Variants in FAM237A observed in about 807,000 individuals in gnomAD.
FAM237A encodes the protein family with sequence similarity 237 member A, also known as protein FAM237A.
FAM237A carries 14 observed loss-of-function variants against 12.5 expected under a neutral mutation model. That is an observed-to-expected ratio of 1.12 (90% CI 0.74 to 1.75). The LOEUF (loss-of-function observed/expected upper bound fraction) is 1.75, where lower values mean the gene tolerates loss of function less well. Ranked by LOEUF, FAM237A falls within the 40% of genes most tolerant of loss-of-function variation. The pLI is 0.00. For missense variants in FAM237A, 240 were observed against 211.7 expected (o/e 1.13, Z -0.83); for synonymous variants, 85 against 77.5 (o/e 1.10, Z -0.51).
intron 2 of FAM237A, among the ~76,000 whole-genome samples, chr2:206,645,095 T>C (rs538116049): frequency 6.6e-6 from 1 of 152,340 alleles, no homozygotes; most frequent in South Asian, 2.1e-4. Flanking sequence ...CTTGTTAAAC[T>C]GAAAATAAAT....
chr2:206,648,672 C>T lies in FAM237A; in HGVS notation c.424C>T (p.Gln142Ter). 1 of 1,590,198 alleles carries T rather than the reference C, an allele frequency of 6.3e-7. No homozygotes were observed. Among genetic ancestry groups the T allele is most frequent in the Non-Finnish European group, 8.6e-7 (1 of 1,168,904 alleles). ...TTTTCTACTTTCAGGTACATATTCT[C>T]AGCTCCTAAGGACCTCCTTCCTAAA... is the stretch of plus-strand genomic sequence containing the variant. ...HTRSKQGTYS[Q>*]LLRTSFLKKK... Residue 142 changes from glutamine (Q) to a stop codon, truncating the protein, a stop_gained, in exon 3 of 3, where the codon CAG (glutamine) becomes TAG (stop). Transcript: ENST00000441223. LOFTEE classifies it high-confidence loss of function.
intron 2 of FAM237A, 112 bp downstream of exon 2, chr2:206,644,760 TCTCAAGAGGTGAAC>T: frequency 9.4e-7 from 1 of 1,068,368 alleles, no homozygotes; most frequent in Non-Finnish European, 1.3e-6. Flanking sequence ...TATATATTCC[TCTCAAGAGGTGAAC>T]CCCAAGAGCA....
chr2:206,643,840 G>C (rs77945084), intron 1 of FAM237A, among the ~76,000 whole-genome samples: 7,312 of 152,282 alleles, frequency 0.048, 260 homozygotes, highest in Non-Finnish European at 0.076. Context: ...TAGATTAGGA[G>C]AGCCAGGTTT....
chr2:206,648,842 A>G lies in FAM237A; in HGVS notation c.*48A>G. On this transcript the variant is annotated 3_prime_UTR_variant, in exon 3 of 3. Coordinates refer to ENST00000441223, the MANE Select transcript of FAM237A (RefSeq NM_001102659.3). ...GCCTTGGAATTAAATATACATATAT[A>G]TAACATTTTTCTTAACTATTGATTA... 1 of 1,340,798 alleles carries G rather than the reference A, an allele frequency of 7.5e-7. No homozygotes were observed. Among genetic ancestry groups the G allele is most frequent in the Non-Finnish European group, 9.8e-7 (1 of 1,019,042 alleles). 83.1% of individuals were successfully genotyped at this position (1,340,798 alleles called of 1,614,324 possible).
At chr2:206,646,080 A>C (rs1196869627) in intron 2 of FAM237A, among the ~76,000 whole-genome samples, 1 of 152,168 alleles carries the variant, frequency 6.6e-6, no homozygotes, top group African/African-American at 2.4e-5. Context: ...AGGCAGGCGG[A>C]ACACGAGGTG....
chr2:206,649,298 A>G lies in FAM237A; in HGVS notation c.*504A>G, dbSNP rs1699357549. Among the ~76,000 whole-genome samples the G allele has an allele frequency of 6.6e-6, 1 of 152,224 alleles. No homozygotes were observed. Among genetic ancestry groups the G allele is most frequent in the Admixed American group, 6.5e-5 (1 of 15,280 alleles). Reference sequence around the variant, plus strand: ...TACTGAATGAAGCAAAAAGTAAAACAAAACAAAAAACTGGCAAATAAAGCA... The same window carrying G: ...TACTGAATGAAGCAAAAAGTAAAACGAAACAAAAAACTGGCAAATAAAGCA... On this transcript the variant is annotated 3_prime_UTR_variant, in exon 3 of 3. Coordinates refer to ENST00000441223, the MANE Select transcript of FAM237A (RefSeq NM_001102659.3).
At chr2:206,646,908 C>A (rs1442043698) in intron 2 of FAM237A, among the ~76,000 whole-genome samples, 1 of 152,084 alleles carries the variant, frequency 6.6e-6, no homozygotes, top group Non-Finnish European at 1.5e-5. Context: ...GTGCTTGTCT[C>A]CATAGTTCTC....
intron 1 of FAM237A, 114 bp from the exon 2 acceptor site, chr2:206,644,113 T>A (rs1387709486): frequency 4.0e-6 from 4 of 1,002,928 alleles, no homozygotes; most frequent in Non-Finnish European, 5.6e-6. Flanking sequence ...TTCCCTACTT[T>A]GTGACAATGA....
At chr2:206,646,342 T>C (rs376035345) in intron 2 of FAM237A, among the ~76,000 whole-genome samples, 8 of 152,142 alleles carry the variant, frequency 5.3e-5, no homozygotes, top group African/African-American at 1.9e-4. Flanking sequence ...CTTACTCAAA[T>C]CACCAGCAAT....
chr2:206,647,666 C>CACACACACACAG (rs1303308418), intron 2 of FAM237A, among the ~76,000 whole-genome samples: 53 of 148,260 alleles, frequency 3.6e-4, no homozygotes, highest in African/African-American at 1.3e-3. Flanking sequence ...CACACACACA[C>CACACACACACAG]AGAGAGAGTG....
At chr2:206,644,118 C>G (rs1699286519) in intron 1 of FAM237A, 109 bp from the exon 2 acceptor site, 1 of 1,037,848 alleles carries the variant, frequency 9.6e-7, no homozygotes, top group Non-Finnish European at 1.3e-6. Flanking sequence ...TACTTTGTGA[C>G]AATGATGTGT....
Position 206,644,557 on chromosome 2 carries a change from C to T in FAM237A, c.321C>T (p.Leu107=), listed in dbSNP as rs145915292. The change falls in exon 2 of 3, where the codon CTC becomes CTT. Residue 107 remains leucine (L), a synonymous_variant. Coordinates refer to ENST00000441223, the MANE Select transcript of FAM237A (RefSeq NM_001102659.3). ...LFWDIYVDCV[L]SRNHGLGRRQ... ...GGGACATCTATGTGGACTGTGTGCT[C>T]TCTAGGAACCATGGCTTAGGAAGGA... 3,852 of 1,613,772 alleles carry T rather than the reference C, an allele frequency of 2.4e-3. 5 individuals are homozygous for T. The highest frequency in any genetic ancestry group is 2.8e-3 in the Non-Finnish European group (3,322 of 1,179,840).
At chr2:206,647,670 G>C (rs4234078) in intron 2 of FAM237A, among the ~76,000 whole-genome samples, 20,442 of 118,826 alleles carry the variant, frequency 0.17, 1,458 homozygotes, top group East Asian at 0.26. Context: ...CACACACAGA[G>C]AGAGTGTGTG....
Position 206,644,439 on chromosome 2 carries a change from C to G in FAM237A, c.203C>G (p.Thr68Ser). ...LEMWKPRVSNTVSGFWDFMIY... is the reference protein window; with the variant it reads ...LEMWKPRVSNSVSGFWDFMIY... ...ATGTGGAAACCTCGCGTTTCCAACA[C>G]TGTTTCAGGCTTCTGGGATTTTATG... Residue 68 changes from threonine to serine, a missense_variant, in exon 2 of 3, where the codon ACT becomes AGT. Transcript: ENST00000441223. 2 of 1,613,914 alleles carry G rather than the reference C, an allele frequency of 1.2e-6. No individual in the cohort carries two copies. The highest frequency in any genetic ancestry group is 1.7e-6 in the Non-Finnish European group (2 of 1,179,818).
At chr2:206,645,819 G>A (rs1351004192) in intron 2 of FAM237A, among the ~76,000 whole-genome samples, 1 of 152,096 alleles carries the variant, frequency 6.6e-6, no homozygotes, top group Non-Finnish European at 1.5e-5. Context: ...ATTTTTAGAG[G>A]AAATATTCTT....
chr2:206,646,723 G>A (rs1352096830), intron 2 of FAM237A, among the ~76,000 whole-genome samples: 3 of 152,222 alleles, frequency 2.0e-5, no homozygotes, highest in Non-Finnish European at 4.4e-5. Flanking sequence ...GAAATACCAT[G>A]TCCAACAGTT....
intron 2 of FAM237A, 42 bp from the exon 3 acceptor site, chr2:206,648,619 C>G: frequency 6.5e-7 from 1 of 1,546,538 alleles, no homozygotes; most frequent in Admixed American, 2.1e-5. Flanking sequence ...TAACCTGAAA[C>G]TAATTTGGTG....
rs1351954902 is a variant in FAM237A at position 206,642,737 on chromosome 2, C to G, written c.-11+155C>G. ...TCAAGGAACTCAGAGAAACACCTTT[C>G]CAGGGTCTGGGAAGCCTCTCCTAAA... On this transcript the variant is annotated intron_variant, in intron 1 of 2. Coordinates refer to ENST00000441223, the MANE Select transcript of FAM237A (RefSeq NM_001102659.3). The surrounding 1 kb of genome is among the most constrained non-coding windows in gnomAD (Gnocchi z 5.1). Among the ~76,000 whole-genome samples, 1 of 152,224 alleles carries G rather than the reference C, an allele frequency of 6.6e-6. No individual in the cohort carries two copies. Among genetic ancestry groups the G allele is most frequent in the East Asian group, 1.9e-4 (1 of 5,180 alleles).
chr2:206,648,571 C>T, intron 2 of FAM237A, 90 bp from the exon 3 acceptor site: 1 of 1,338,372 alleles, frequency 7.5e-7, no homozygotes, highest in East Asian at 2.7e-5. Context: ...GCAGAAACAT[C>T]AAACCTGCCT....
Sources: allele counts gnomAD v4.1 joint callset (sites outside exome capture counted in the v4.1 genomes callset), GRCh38; gene constraint gnomAD v4.1.1; non-coding constraint Gnocchi (gnomAD v3.1); transcripts MANE v1.5; gene names NCBI Gene and HGNC (gene_info 2026-07-23, HGNC 2026-07-21).